CDH18: variants seen among roughly 807,000 people sequenced by gnomAD.
CDH18 encodes the protein cadherin-18.
CDH18 carries 31 observed loss-of-function variants against 67.9 expected under a neutral mutation model. That is an observed-to-expected ratio of 0.46 (90% CI 0.34 to 0.62). The LOEUF (loss-of-function observed/expected upper bound fraction) is 0.62, where lower values mean the gene tolerates loss of function less well. CDH18 is among the 20% of genes least tolerant of loss of function. The pLI is 0.01. For synonymous variants in CDH18, 362 were observed against 347.2 expected, an observed-to-expected ratio of 1.04 and a Z score of -0.48; for missense variants, 890 against 975.5, an observed-to-expected ratio of 0.91 and a Z score of 1.17.
At chr5:19,688,433 T>C (rs1291777581) in intron 5 of CDH18, among the ~76,000 whole-genome samples, 1 of 152,152 alleles carries the variant, frequency 6.6e-6, no homozygotes, top group East Asian at 1.9e-4. Flanking sequence ...ATCATTGCTG[T>C]TCTTTACAGC....
chr5:20,007,765 GA>G (rs967854282), intron 2 of CDH18, among the ~76,000 whole-genome samples: 26 of 151,004 alleles, frequency 1.7e-4, no homozygotes, highest in Admixed American at 2.7e-4. Context: ...TGTGAACTAA[GA>G]ATGTTTTTAC....
At chr5:20,247,577 A>T (rs1207730630) in intron 2 of CDH18, among the ~76,000 whole-genome samples, 1 of 152,080 alleles carries the variant, frequency 6.6e-6, no homozygotes, top group African/African-American at 2.4e-5. Context: ...CATCCTGGCC[A>T]GCATGGTGAA....
intron 2 of CDH18, among the ~76,000 whole-genome samples, chr5:20,182,846 T>C (rs1376094607): frequency 6.6e-6 from 1 of 152,036 alleles, no homozygotes; most frequent in Non-Finnish European, 1.5e-5. Context: ...ATCTCTTCTT[T>C]GTACATTAAC....
chr5:19,547,084 T>C (rs557205182), intron 8 of CDH18, among the ~76,000 whole-genome samples: 3 of 152,212 alleles, frequency 2.0e-5, no homozygotes, highest in African/African-American at 7.2e-5. Context: ...AGTAAAACCA[T>C]TGTACTTAAT....
chr5:19,736,769 A>G (rs1237635790), intron 4 of CDH18, among the ~76,000 whole-genome samples: 2 of 152,180 alleles, frequency 1.3e-5, no homozygotes, highest in African/African-American at 2.4e-5. Context: ...GAAAGGTCGC[A>G]ACTTCCACAA....
In CDH18 at chr5:19,839,213, A is replaced by C; in HGVS notation, c.-227T>G. On this transcript the variant is annotated 5_prime_UTR_variant, in exon 3 of 13. Transcript: ENST00000382275. ...TAGTTGTCTGATTCCAACTCTTCACAGTAGTTGAACACAAGCAACCATTTT... is the reference window on the plus strand; with the variant it reads ...TAGTTGTCTGATTCCAACTCTTCACCGTAGTTGAACACAAGCAACCATTTT... 1 of 497,960 alleles carries C rather than the reference A, an allele frequency of 2.0e-6. No homozygotes were observed. The highest frequency in any genetic ancestry group is 2.9e-5 in the South Asian group (1 of 34,222). 30.8% of individuals were successfully genotyped at this position (497,960 alleles called of 1,614,324 possible).
chr5:19,824,118 T>C (rs1025474414), intron 3 of CDH18, among the ~76,000 whole-genome samples: 9 of 152,118 alleles, frequency 5.9e-5, no homozygotes, highest in Non-Finnish European at 8.8e-5. Context: ...CTGCAATGTG[T>C]TGAATTCACG....
At chr5:19,533,887 T>C (rs1749029456) in intron 9 of CDH18, among the ~76,000 whole-genome samples, 1 of 152,064 alleles carries the variant, frequency 6.6e-6, no homozygotes, top group Non-Finnish European at 1.5e-5. Flanking sequence ...TGTAAAGAAA[T>C]TGGAAGAGGT....
chr5:19,770,228 A>G (rs1180907399), intron 3 of CDH18, among the ~76,000 whole-genome samples: 1 of 152,140 alleles, frequency 6.6e-6, no homozygotes, highest in Non-Finnish European at 1.5e-5. Flanking sequence ...TCCAATTAAT[A>G]TAACAAGGGA....
chr5:19,980,697 T>C (rs1477568011), intron 2 of CDH18, among the ~76,000 whole-genome samples: 1 of 152,128 alleles, frequency 6.6e-6, no homozygotes, highest in African/African-American at 2.4e-5. Context: ...ATATTCAGTC[T>C]CTTCACTTTA....
intron 1 of CDH18, among the ~76,000 whole-genome samples, chr5:20,523,165 G>T (rs1488649217): frequency 6.6e-6 from 1 of 152,148 alleles, no homozygotes; most frequent in African/African-American, 2.4e-5. Context: ...CTATCCAAGT[G>T]GTATGTTGCT....
intron 5 of CDH18, among the ~76,000 whole-genome samples, chr5:19,679,740 C>A (rs761709446): frequency 6.6e-6 from 1 of 151,474 alleles, no homozygotes; most frequent in Non-Finnish European, 1.5e-5. Flanking sequence ...AGTGTAGAGG[C>A]GGAAGATCTC....
chr5:20,447,114 C>G (rs1750062827), intron 1 of CDH18, among the ~76,000 whole-genome samples: 1 of 152,052 alleles, frequency 6.6e-6, no homozygotes, highest in African/African-American at 2.4e-5. Context: ...AATTTTTCCC[C>G]ATTTTCCTTT....
At chr5:20,205,208 G>A (rs1180823175) in intron 2 of CDH18, among the ~76,000 whole-genome samples, 1 of 151,902 alleles carries the variant, frequency 6.6e-6, no homozygotes, top group African/African-American at 2.4e-5. Context: ...CATGCAGCTG[G>A]AAACCGAAAA....
chr5:19,481,004 G>A (rs1281099244), intron 12 of CDH18, among the ~76,000 whole-genome samples: 1 of 152,108 alleles, frequency 6.6e-6, no homozygotes, highest in African/African-American at 2.4e-5. Flanking sequence ...GAGCATTTTG[G>A]TGCTCAATTT....
intron 2 of CDH18, among the ~76,000 whole-genome samples, chr5:19,888,049 C>A (rs766070754): frequency 1.5e-4 from 23 of 152,026 alleles, no homozygotes; most frequent in Non-Finnish European, 2.6e-4. Flanking sequence ...CTAATCTCTC[C>A]ATTCTATTCC....
rs58308147 is a variant in CDH18 at position 20,418,242 on chromosome 5, ATTTTT to A, written c.-580+157215_-580+157219del. ...AGGTGTCTGCCACCACTGCTGGCTA[ATTTTT>A]TTTTTTTTTTTTTTTTTTTGTATTT... is the stretch of plus-strand genomic sequence containing the variant. On this transcript the variant is annotated intron_variant, in intron 1 of 14. Coordinates refer to the CDH18 transcript ENST00000507958. 1.2e-3 allele frequency among the ~76,000 whole-genome samples: 70 copies of A among 56,924 alleles called. 1 individual carries two copies. The highest frequency in any genetic ancestry group is 3.0e-3 in the South Asian group (3 of 1,000). 37.3% of individuals were successfully genotyped at this position (56,924 alleles called of 152,430 possible).
chr5:20,282,834 A>T (rs186174554), intron 1 of CDH18, among the ~76,000 whole-genome samples: 1 of 152,276 alleles, frequency 6.6e-6, no homozygotes, highest in East Asian at 1.9e-4. Flanking sequence ...ACTTATTCTG[A>T]GCAAAAAGAA....
rs189898132 is a variant in CDH18 at position 19,628,294 on chromosome 5, C to T, written c.644-15693G>A. Among the ~76,000 whole-genome samples, 1,036 of 152,222 alleles carry T rather than the reference C, an allele frequency of 6.8e-3. 4 individuals carry two copies. Among genetic ancestry groups the T allele is most frequent in the Middle Eastern group, 0.017 (5 of 294 alleles). The stretch of plus-strand genomic sequence containing the variant: ...GTGAAACTGTGAGTCCATTAAGTCT[C>T]TTATTCTTTATAAATTGCACAGTCT... On this transcript the variant is annotated intron_variant, in intron 5 of 12. Coordinates refer to ENST00000382275, the MANE Select transcript of CDH18 (RefSeq NM_004934.5).
Sources: gnomAD v4.1 joint callset for allele counts (sites outside exome capture counted in the v4.1 genomes callset) on GRCh38, gnomAD v4.1.1 for gene constraint, MANE v1.5 for transcripts, NCBI Gene and HGNC (gene_info 2026-07-23, HGNC 2026-07-21) for gene names.